Variants in DYNC1H1 observed in about 807,000 individuals in gnomAD.
DYNC1H1 encodes the protein cytoplasmic dynein 1 heavy chain 1.
DYNC1H1 carries 51 observed loss-of-function variants against 527.1 expected under a neutral mutation model. That is an observed-to-expected ratio of 0.10 (90% CI 0.08 to 0.12). The LOEUF (loss-of-function observed/expected upper bound fraction) is 0.12. Among genes scored for constraint, DYNC1H1 ranks in the 10% least tolerant of loss-of-function variants. The pLI, the probability that DYNC1H1 is intolerant of heterozygous loss-of-function variation, is 1.00. For synonymous variants in DYNC1H1, 2,189 were observed against 2,278.8 expected (o/e 0.96, Z 1.12); for missense variants, 2,771 against 5,971.8 (o/e 0.46, Z 17.66).
At chr14:101,992,988 A>ATTTAAAT (rs1315592475) in intron 11 of DYNC1H1, among the ~76,000 whole-genome samples, 3 of 151,082 alleles carry the variant, frequency 2.0e-5, no homozygotes, top group Non-Finnish European at 4.4e-5. Context: ...GCAGGCTGAC[A>ATTTAAAT]GCTCTGTGTT....
At chr14:101,991,481 A>T in intron 10 of DYNC1H1, 46 bp from the exon 11 acceptor site, 1 of 1,612,852 alleles carries the variant, frequency 6.2e-7, no homozygotes, top group Non-Finnish European at 8.5e-7. Context: ...AATTTTTTTT[A>T]TTGAAAAATA....
At chr14:102,019,301 T>G (rs1438436313) in intron 41 of DYNC1H1, among the ~76,000 whole-genome samples, 1 of 152,212 alleles carries the variant, frequency 6.6e-6, no homozygotes, top group African/African-American at 2.4e-5. Context: ...GAGAAATGAC[T>G]CTCGTTGCTA....
intron 10 of DYNC1H1, among the ~76,000 whole-genome samples, chr14:101,989,356 C>A (rs891142261): frequency 1.3e-5 from 2 of 152,190 alleles, no homozygotes; most frequent in African/African-American, 2.4e-5. Flanking sequence ...CAGTTCACAT[C>A]CCCGGGAAGA....
rs1287359925 is a variant in DYNC1H1, at chr14:102,047,639, G to GTATA, written c.13007-177_13007-176insATAT. The GTATA allele has an allele frequency of 7.3e-4, 257 of 351,986 alleles. 1 individual carries two copies. The African/African-American group carries it at 0.011, about 15-fold the overall frequency. The allele number at this position is 351,986 out of a possible 1,614,324, so 21.8% of individuals were successfully genotyped here. On this transcript the variant is annotated intron_variant, in intron 72 of 77. Transcript: ENST00000360184. ...TATACACGTGTGTGTGTGTGTGTGT[G>GTATA]TGTATATATATATATATATATATAT...
At position 102,047,641 on chromosome 14, in the gene DYNC1H1, G is replaced by GTATATATATATATA. The variant is rs71116874; in HGVS notation, c.13007-166_13007-153dup. 433 of 316,620 alleles carry GTATATATATATATA rather than the reference G, an allele frequency of 1.4e-3. 16 individuals are homozygous for GTATATATATATATA. The African/African-American group carries it at 0.014, about 10-fold the overall frequency. 19.6% of individuals were successfully genotyped at this position (316,620 alleles called of 1,614,324 possible). ...TACACGTGTGTGTGTGTGTGTGTGT[G>GTATATATATATATA]TATATATATATATATATATATATGT... On this transcript the variant is annotated intron_variant, in intron 72 of 77. Coordinates refer to ENST00000360184, the MANE Select transcript of DYNC1H1 (RefSeq NM_001376.5).
At chr14:101,995,130 C>A in intron 14 of DYNC1H1, 34 bp downstream of exon 14, 1 of 1,614,212 alleles carries the variant, frequency 6.2e-7, no homozygotes, top group Non-Finnish European at 8.5e-7. Context: ...TGTAACCGGT[C>A]TACTGGTGAA....
rs145487328 is a variant in DYNC1H1, at chr14:102,016,909, C to T, written c.7758C>T (p.Ala2586=). ...RHEALLYTWL[A]EHKPLVLCGP... ...AAGCCCTCTTGTACACTTGGCTGGC[C>T]GAACACAAGCCCCTGGTCTTGTGTG... The change falls in exon 38 of 78, where the codon GCC becomes GCT. Residue 2586 remains alanine (A), a synonymous_variant. Transcript: ENST00000360184. The surrounding 1 kb of genome is among the most constrained non-coding windows in gnomAD (Gnocchi z 7.3). 1.7e-4 allele frequency: 282 copies of T among 1,614,194 alleles called. No individual in the cohort carries two copies. Among genetic ancestry groups the T allele is most frequent in the Non-Finnish European group, 1.5e-4 (176 of 1,180,028 alleles).
rs996256272 is a variant in DYNC1H1, at chr14:102,050,892, C to G, written c.*329C>G. On this transcript the variant is annotated 3_prime_UTR_variant, in exon 78 of 78. Transcript: ENST00000360184. ...CAGCCCACGGCAGCCATGCCCCTCC[C>G]CACCTCGCTTTCATCATGAGCTCGC... 7.9e-6 allele frequency: 3 copies of G among 380,260 alleles called. No individual in the cohort carries two copies. The highest frequency in any genetic ancestry group is 3.8e-5 in the Admixed American group (1 of 26,628). The allele number at this position is 380,260 out of a possible 1,614,324, so 23.6% of individuals were successfully genotyped here.
chr14:101,978,160 T>A (rs1401577589), intron 2 of DYNC1H1, among the ~76,000 whole-genome samples: 3 of 152,240 alleles, frequency 2.0e-5, no homozygotes, highest in Non-Finnish European at 2.9e-5. Flanking sequence ...ACTCAAGTGA[T>A]TCTCCATCAA....
chr14:102,036,874 G>A lies in DYNC1H1; in HGVS notation c.10908+232G>A. On this transcript the variant is annotated intron_variant, in intron 57 of 77. Transcript: ENST00000360184. The surrounding 1 kb of genome is among the most constrained non-coding windows in gnomAD (Gnocchi z 5.6). ...TAATCTCAGCACTTTGGGAGGCCGA[G>A]GCGGGTGGATCATCTAAGGTCAGGA... 4.3e-6 allele frequency: 2 copies of A among 460,582 alleles called. No homozygotes were observed. The highest frequency in any genetic ancestry group is 8.0e-6 in the Non-Finnish European group (2 of 251,070). The allele number at this position is 460,582 out of a possible 1,614,324, so 28.5% of individuals were successfully genotyped here.
At chr14:102,030,400 A>G in intron 51 of DYNC1H1, 118 bp downstream of exon 51, 1 of 1,494,176 alleles carries the variant, frequency 6.7e-7, no homozygotes, top group South Asian at 1.2e-5. Flanking sequence ...CTGGTTTCCA[A>G]AAATATCATT....
Position 101,966,717 on chromosome 14 carries a change from G to A in DYNC1H1, c.256+1770G>A, listed in dbSNP as rs150011509. 7.9e-3 allele frequency among the ~76,000 whole-genome samples: 1,206 copies of A among 151,766 alleles called. 18 individuals carry two copies. The highest frequency in any genetic ancestry group is 0.028 in the African/African-American group (1,144 of 41,390). On this transcript the variant is annotated intron_variant, in intron 1 of 77. Transcript: ENST00000360184. Reference sequence around the variant, plus strand: ...AGTGATTTTATTTTTTTTACCTTGTGTCACTCTTTTTATGAAAAAAAATTT... The same window carrying A: ...AGTGATTTTATTTTTTTTACCTTGTATCACTCTTTTTATGAAAAAAAATTT...
At chr14:101,972,116 G>C (rs1178187145) in intron 1 of DYNC1H1, among the ~76,000 whole-genome samples, 1 of 152,096 alleles carries the variant, frequency 6.6e-6, no homozygotes, top group African/African-American at 2.4e-5. Context: ...CAAACGTGCA[G>C]ATTGTGTTTG....
At chr14:101,976,685 T>G (rs1180777584) in intron 2 of DYNC1H1, among the ~76,000 whole-genome samples, 3 of 152,228 alleles carry the variant, frequency 2.0e-5, no homozygotes, top group Non-Finnish European at 4.4e-5. Flanking sequence ...AGTTGCCATA[T>G]CATGGCATCT....
chr14:101,968,825 G>A (rs1031329726), intron 1 of DYNC1H1, among the ~76,000 whole-genome samples: 1 of 152,210 alleles, frequency 6.6e-6, no homozygotes, highest in African/African-American at 2.4e-5. Context: ...GCCTCCCAAA[G>A]TGCCAGGATT....
At position 102,039,872 on chromosome 14, in the gene DYNC1H1, T is replaced by C; in HGVS notation, c.11690+140T>C. 8.7e-7 allele frequency: 1 copy of C among 1,149,472 alleles called. No homozygotes were observed. Among genetic ancestry groups the C allele is most frequent in the Non-Finnish European group, 1.2e-6 (1 of 806,194 alleles). 71.2% of individuals were successfully genotyped at this position (1,149,472 alleles called of 1,614,324 possible). A position where few individuals can be genotyped will look rare whatever the true frequency, so the allele number is the denominator to read the frequency against. ...TTATTTTTTGAGACGGAGTCTCCCTTTGTTGCCTAGGCTGGAGTGCCGTGG... is the reference window on the plus strand; with the variant it reads ...TTATTTTTTGAGACGGAGTCTCCCTCTGTTGCCTAGGCTGGAGTGCCGTGG... On this transcript the variant is annotated intron_variant, in intron 62 of 77. Coordinates refer to ENST00000360184, the MANE Select transcript of DYNC1H1 (RefSeq NM_001376.5). This position sits in a 1 kb window ranked among gnomAD's most constrained non-coding sequence, Gnocchi z 7.0.
rs966918081 is a variant in DYNC1H1, at chr14:102,018,044, T to C, written c.8178-407T>C. The C allele has an allele frequency of 1.6e-5, 4 of 251,618 alleles. No homozygotes were observed. Among genetic ancestry groups the C allele is most frequent in the Non-Finnish European group, 3.1e-5 (4 of 128,190 alleles). The allele number at this position is 251,618 out of a possible 1,614,324, so 15.6% of individuals were successfully genotyped here. ...TGGTGTGAACCTGGGAGGTGGAGCT[T>C]GCAGTGAGCTGAGATCGCACCACTG... On this transcript the variant is annotated intron_variant, in intron 40 of 77. Coordinates refer to ENST00000360184, the MANE Select transcript of DYNC1H1 (RefSeq NM_001376.5). The surrounding 1 kb of genome is among the most constrained non-coding windows in gnomAD (Gnocchi z 5.2).
chr14:102,015,769 A>G lies in DYNC1H1; in HGVS notation c.7243-87A>G. 6.9e-7 allele frequency: 1 copy of G among 1,451,074 alleles called. No individual in the cohort carries two copies. Among genetic ancestry groups the G allele is most frequent in the Non-Finnish European group, 9.5e-7 (1 of 1,053,522 alleles). The allele number at this position is 1,451,074 out of a possible 1,614,324, so 89.9% of individuals were successfully genotyped here. ...TCCAAAATGAGTTTTCCAAGGTCGT[A>G]TGACCTTCTCCTGGGACCAGGTTAG... On this transcript the variant is annotated intron_variant, in intron 35 of 77. Transcript: ENST00000360184. The surrounding 1 kb of genome is among the most constrained non-coding windows in gnomAD (Gnocchi z 6.9).
At chr14:102,000,576 T>C in intron 18 of DYNC1H1, 177 bp downstream of exon 18, 6 of 461,192 alleles carry the variant, frequency 1.3e-5, no homozygotes, top group Middle Eastern at 6.2e-4. Flanking sequence ...TTGAAACCTT[T>C]TTTTTTTTTT....
Sources: allele counts gnomAD v4.1 joint callset (sites outside exome capture counted in the v4.1 genomes callset), GRCh38; gene constraint gnomAD v4.1.1; non-coding constraint Gnocchi (gnomAD v3.1); transcripts MANE v1.5; gene names NCBI Gene and HGNC (gene_info 2026-07-23, HGNC 2026-07-21).